The following POLR3B variants were observed in gnomAD, a reference collection of about 807,000 sequenced individuals.
The protein encoded by POLR3B is RNA polymerase III subunit B, also known as DNA-directed RNA polymerase III subunit RPC2.
A neutral mutation model predicts 147.4 loss-of-function variants in POLR3B; 96 were observed. The observed-to-expected ratio is 0.65, with a 90% confidence interval of 0.55 to 0.77. The LOEUF (loss-of-function observed/expected upper bound fraction) is 0.77, where lower values mean the gene tolerates loss of function less well. Among genes scored for constraint, POLR3B ranks in the 30% least tolerant of loss-of-function variants. The pLI, the probability that POLR3B is intolerant of heterozygous loss-of-function variation, is 0.00. For synonymous variants in POLR3B, 461 were observed against 485.9 expected (o/e 0.95, Z 0.67); for missense variants, 1,036 against 1,413.5 (o/e 0.73, Z 4.28).
chr12:106,507,084 T>C (rs2038699929), intron 27 of POLR3B, among the ~76,000 whole-genome samples: 1 of 152,124 alleles, frequency 6.6e-6, no homozygotes, highest in African/African-American at 2.4e-5. Context: ...ACTAAGGGCA[T>C]AAGTCACAAA....
At chr12:106,463,681 C>G in intron 23 of POLR3B, 61 bp downstream of exon 23, 1 of 1,404,770 alleles carries the variant, frequency 7.1e-7, no homozygotes. Context: ...TTGTTAACCA[C>G]TTAAATAAAA....
intron 23 of POLR3B, among the ~76,000 whole-genome samples, chr12:106,471,748 A>G (rs865941464): frequency 2.0e-5 from 3 of 152,276 alleles, no homozygotes; most frequent in Middle Eastern, 3.4e-3. Flanking sequence ...GAGTGAATGA[A>G]ATTGGAGGTA....
chr12:106,365,539 G>A (rs2036522993), intron 2 of POLR3B, among the ~76,000 whole-genome samples: 1 of 152,082 alleles, frequency 6.6e-6, no homozygotes, highest in Non-Finnish European at 1.5e-5. Flanking sequence ...TTTTTTAAAA[G>A]GAGCTGCACA....
chr12:106,369,461 G>A, intron 5 of POLR3B, 111 bp downstream of exon 5: 1 of 953,804 alleles, frequency 1.0e-6, no homozygotes, highest in East Asian at 2.4e-5. Context: ...GACATTCTTT[G>A]GAGAAAAAGG....
chr12:106,369,394 C>A, intron 5 of POLR3B, 44 bp downstream of exon 5: 1 of 1,114,312 alleles, frequency 9.0e-7, no homozygotes, highest in Non-Finnish European at 1.4e-6. Flanking sequence ...TGCTTTAACT[C>A]AGAGTCTGCC....
chr12:106,364,342 A>G (rs1031770425), intron 2 of POLR3B, among the ~76,000 whole-genome samples: 5 of 152,240 alleles, frequency 3.3e-5, no homozygotes, highest in Admixed American at 2.6e-4. Context: ...TGAATATGAT[A>G]TGATGTGGTG....
chr12:106,506,860 A>G (rs2038695868), intron 27 of POLR3B, among the ~76,000 whole-genome samples: 1 of 152,020 alleles, frequency 6.6e-6, no homozygotes, highest in Non-Finnish European at 1.5e-5. Context: ...TGATGCTGTC[A>G]TTTTTCCCAT....
At chr12:106,399,296 G>A (rs958815219) in intron 10 of POLR3B, among the ~76,000 whole-genome samples, 4 of 152,060 alleles carry the variant, frequency 2.6e-5, no homozygotes, top group Admixed American at 6.5e-5. Flanking sequence ...GAAAAGAAAC[G>A]AACAAAGCCT....
chr12:106,430,283 C>A lies in POLR3B; in HGVS notation c.1274C>A (p.Ser425Tyr). The A allele has an allele frequency of 6.2e-7, 1 of 1,613,516 alleles. No individual in the cohort carries two copies. The highest frequency in any genetic ancestry group is 2.2e-5 in the East Asian group (1 of 44,876). Residue 425 changes from serine (S) to tyrosine (Y), a missense_variant, in exon 14 of 28, where the codon TCT becomes TAT. By Grantham distance (144) the Ser-to-Tyr change is moderately radical (BLOSUM62 -2). This residue lies in a region of POLR3B where 89 missense variants were observed against 110.9 expected (regional missense o/e 0.80). Coordinates refer to ENST00000228347, the MANE Select transcript of POLR3B (RefSeq NM_018082.6). ...TTCATCTCCCTACAGGGAAATTGGT[C>A]TTTAAAGAGATTTAAAATGGACCGC... ...MVNAISTGNW[S>Y]LKRFKMDRQG... is the part of the protein sequence containing the mutation.
chr12:106,494,710 T>C (rs1318132844), intron 23 of POLR3B, among the ~76,000 whole-genome samples: 1 of 152,202 alleles, frequency 6.6e-6, no homozygotes, highest in Admixed American at 6.5e-5. Context: ...ACATTGTAGC[T>C]GAATTTGAAA....
In POLR3B at chr12:106,492,509, C is replaced by G. The variant is rs564399136; in HGVS notation, c.2714-3546C>G. On this transcript the variant is annotated intron_variant, in intron 23 of 27. Coordinates refer to ENST00000228347, the MANE Select transcript of POLR3B (RefSeq NM_018082.6). Reference sequence around the variant, plus strand: ...CATGATTGTGCCACTGCACTCCAGCCTGGACAAGAGAGTGAGACCCTGTCT... The same window carrying G: ...CATGATTGTGCCACTGCACTCCAGCGTGGACAAGAGAGTGAGACCCTGTCT... Among the ~76,000 whole-genome samples the G allele has an allele frequency of 7.0e-4, 106 of 152,288 alleles. 1 individual carries two copies. The highest frequency in any genetic ancestry group is 1.2e-3 in the South Asian group (6 of 4,826).
chr12:106,477,841 TGGGAGCTGTAGAC>T (rs1321910041), intron 23 of POLR3B, among the ~76,000 whole-genome samples: 1 of 143,430 alleles, frequency 7.0e-6, no homozygotes, highest in Non-Finnish European at 1.5e-5. Flanking sequence ...GCTCACGGGC[TGGGAGCTGTAGAC>T]GGGAGCTGTT....
Position 106,393,100 on chromosome 12 carries a change from T to G in POLR3B, c.793T>G (p.Phe265Val). The G allele has an allele frequency of 6.2e-7, 1 of 1,614,196 alleles. No individual in the cohort carries two copies. The highest frequency in any genetic ancestry group is 1.3e-5 in the African/African-American group (1 of 75,062). The change falls in exon 10 of 28, where the codon TTT becomes GTT. Residue 265 changes from phenylalanine to valine, a missense_variant. Transcript: ENST00000228347. ...AACAGAGGAGCACGTGATGGCTGCATTTGGGCCCAGTCTGGAAGAGTGCCA... is the reference window on the plus strand; with the variant it reads ...AACAGAGGAGCACGTGATGGCTGCAGTTGGGCCCAGTCTGGAAGAGTGCCA... ...IGTEEHVMAA[F>V]GPSLEECQKA...
chr12:106,417,430 CA>C (rs2136943915), intron 12 of POLR3B, among the ~76,000 whole-genome samples: 2 of 152,222 alleles, frequency 1.3e-5, no homozygotes, highest in African/African-American at 4.8e-5. Context: ...CTACATGCAG[CA>C]GAAGACCATT....
At chr12:106,386,064 G>A (rs1285350098) in intron 9 of POLR3B, among the ~76,000 whole-genome samples, 1 of 152,158 alleles carries the variant, frequency 6.6e-6, no homozygotes, top group Non-Finnish European at 1.5e-5. Context: ...TATCTAACGG[G>A]GCTGGGCGCG....
intron 2 of POLR3B, among the ~76,000 whole-genome samples, chr12:106,364,339 G>A (rs969066267): frequency 6.6e-6 from 1 of 152,354 alleles, no homozygotes; most frequent in African/African-American, 2.4e-5. Context: ...TGCTGAATAT[G>A]ATATGATGTG....
intron 24 of POLR3B, 185 bp from the exon 25 acceptor site, chr12:106,496,567 G>A: frequency 1.6e-6 from 1 of 634,300 alleles, no homozygotes; most frequent in Non-Finnish European, 2.8e-6. Flanking sequence ...AAGAAATATA[G>A]GACCTATCTC....
In POLR3B at chr12:106,421,586, C is replaced by G. The variant is rs1483783098; in HGVS notation, c.1102-5611C>G. 4.0e-5 allele frequency among the ~76,000 whole-genome samples: 6 copies of G among 151,854 alleles called. No individual in the cohort carries two copies. In the South Asian group the frequency reaches 1.3e-3, roughly 32 times the overall value. The stretch of plus-strand genomic sequence containing the variant: ...CTTTGCAATGTCTTTTGGGTTGTTC[C>G]CATTTTTGTTACTGATTTCAAGGAG... On this transcript the variant is annotated intron_variant, in intron 12 of 27. Transcript: ENST00000228347.
chr12:106,405,768 C>A, intron 10 of POLR3B, 89 bp from the exon 11 acceptor site: 1 of 1,288,282 alleles, frequency 7.8e-7, no homozygotes, highest in South Asian at 1.2e-5. Flanking sequence ...GTCTTTATCT[C>A]TTTCGCTCAT....
Sources: allele counts gnomAD v4.1 joint callset (sites outside exome capture counted in the v4.1 genomes callset), GRCh38; gene constraint gnomAD v4.1.1; regional missense constraint gnomAD v4.1.1; transcripts MANE v1.5; gene names NCBI Gene and HGNC (gene_info 2026-07-23, HGNC 2026-07-21).